SUGCT: variants seen among roughly 807,000 people sequenced by gnomAD.
SUGCT encodes succinyl-CoA:glutarate CoA-transferase.
In SUGCT, 41 loss-of-function variants were observed where a neutral mutation model predicts 55.0. That is an observed-to-expected ratio of 0.74 (90% CI 0.58 to 0.97). The LOEUF (loss-of-function observed/expected upper bound fraction) is 0.97, where lower values mean the gene tolerates loss of function less well. Ranked by LOEUF, SUGCT falls within the 50% of genes least tolerant of loss-of-function variation. SUGCT has a pLI of 0.00. For synonymous variants in SUGCT, 187 were observed against 200.4 expected (o/e 0.93, Z 0.56); for missense variants, 568 against 547.8 (o/e 1.04, Z -0.37).
chr7:40,844,172 C>A (rs576054048), intron 13 of SUGCT, among the ~76,000 whole-genome samples: 1 of 152,184 alleles, frequency 6.6e-6, no homozygotes, highest in East Asian at 1.9e-4. Flanking sequence ...ACTCCCGGAG[C>A]CCCAGAAGGC....
At chr7:40,376,131 A>G (rs1412016351) in intron 9 of SUGCT, among the ~76,000 whole-genome samples, 3 of 152,194 alleles carry the variant, frequency 2.0e-5, no homozygotes, top group Non-Finnish European at 4.4e-5. Flanking sequence ...TAGGATTAGT[A>G]TATTTTGGAT....
intron 9 of SUGCT, among the ~76,000 whole-genome samples, chr7:40,400,374 T>G (rs1785996138): frequency 6.6e-6 from 1 of 152,168 alleles, no homozygotes; most frequent in Admixed American, 6.5e-5. Context: ...TGAGGGAAGC[T>G]TACAGTCCTG....
At chr7:40,955,748 A>G in the SUGCT span, among the ~76,000 whole-genome samples, 1 of 152,190 alleles carries the variant, frequency 6.6e-6, no homozygotes, top group African/African-American at 2.4e-5. Flanking sequence ...CCCATTCAGT[A>G]TGATATTGGC....
the SUGCT span, among the ~76,000 whole-genome samples, chr7:40,889,489 C>A: frequency 1.3e-5 from 2 of 152,056 alleles, no homozygotes; most frequent in Non-Finnish European, 2.9e-5. Flanking sequence ...TTCCCAGGGG[C>A]CTTTTTAAGG....
chr7:40,148,886 G>A (rs565045897), intron 1 of SUGCT, among the ~76,000 whole-genome samples: 14 of 152,196 alleles, frequency 9.2e-5, no homozygotes, highest in Non-Finnish European at 2.1e-4. Context: ...ATTTGAATGA[G>A]TCTGAGAGAC....
intron 9 of SUGCT, among the ~76,000 whole-genome samples, chr7:40,442,403 G>C (rs966853016): frequency 9.2e-5 from 14 of 152,020 alleles, no homozygotes; most frequent in Non-Finnish European, 2.9e-5. Context: ...CCTTAATAAT[G>C]TAAAAACACA....
At chr7:40,285,167 G>A (rs1297960805) in intron 8 of SUGCT, among the ~76,000 whole-genome samples, 1 of 152,078 alleles carries the variant, frequency 6.6e-6, no homozygotes, top group Non-Finnish European at 1.5e-5. Flanking sequence ...ACACTTTGGA[G>A]CTTTCAAATG....
intron 12 of SUGCT, among the ~76,000 whole-genome samples, chr7:40,687,167 T>C (rs1413060489): frequency 6.6e-6 from 1 of 152,116 alleles, no homozygotes; most frequent in Non-Finnish European, 1.5e-5. Context: ...TCTAGGTTTG[T>C]TCTTGAAAAA....
chr7:40,191,712 T>C (rs536944436), intron 5 of SUGCT, among the ~76,000 whole-genome samples: 2 of 152,360 alleles, frequency 1.3e-5, no homozygotes, highest in African/African-American at 4.8e-5. Flanking sequence ...TGCTTTTAGA[T>C]AGTTATTACA....
At chr7:40,679,451 A>G (rs972601895) in intron 12 of SUGCT, among the ~76,000 whole-genome samples, 1 of 152,176 alleles carries the variant, frequency 6.6e-6, no homozygotes, top group African/African-American at 2.4e-5. Context: ...TCTTAAGGCT[A>G]CAATCTCATG....
intron 12 of SUGCT, among the ~76,000 whole-genome samples, chr7:40,525,875 A>G (rs1478057749): frequency 2.6e-5 from 4 of 152,326 alleles, no homozygotes; most frequent in Non-Finnish European, 4.4e-5. Flanking sequence ...GCAGAGGTGC[A>G]GAAGACGGTG....
At chr7:40,320,744 A>G (rs1795681423) in intron 9 of SUGCT, among the ~76,000 whole-genome samples, 1 of 151,110 alleles carries the variant, frequency 6.6e-6, no homozygotes, top group Non-Finnish European at 1.5e-5. Flanking sequence ...ACTCACAAGG[A>G]CAGGTGATAC....
chr7:40,459,412 T>A (rs921924156), intron 11 of SUGCT, among the ~76,000 whole-genome samples: 5 of 152,216 alleles, frequency 3.3e-5, no homozygotes, highest in Admixed American at 6.5e-5. Context: ...TGTTAAGTAC[T>A]GAGTCATAAC....
At chr7:40,178,009 A>G (rs560170219) in intron 1 of SUGCT, among the ~76,000 whole-genome samples, 2 of 152,236 alleles carry the variant, frequency 1.3e-5, no homozygotes, top group Admixed American at 1.3e-4. Context: ...CCTTGGCCTC[A>G]CAAAGTGCGG....
intron 10 of SUGCT, among the ~76,000 whole-genome samples, chr7:40,451,762 A>G (rs1789202560): frequency 6.6e-6 from 1 of 152,272 alleles, no homozygotes; most frequent in Non-Finnish European, 1.5e-5. Context: ...TTACCTAAGA[A>G]AAATCATCTG....
intron 13 of SUGCT, among the ~76,000 whole-genome samples, chr7:40,832,352 T>C (rs1213193312): frequency 1.3e-5 from 2 of 152,224 alleles, no homozygotes; most frequent in Non-Finnish European, 2.9e-5. Context: ...TCATCTAATA[T>C]CATATTGTTG....
At chr7:40,578,505 C>T (rs1305348812) in intron 12 of SUGCT, among the ~76,000 whole-genome samples, 2 of 152,034 alleles carry the variant, frequency 1.3e-5, no homozygotes, top group South Asian at 2.1e-4. Flanking sequence ...TCACAAGCCT[C>T]ACCCCTCATT....
the SUGCT span, among the ~76,000 whole-genome samples, chr7:40,938,215 A>G: frequency 1.3e-5 from 2 of 152,148 alleles, no homozygotes; most frequent in Admixed American, 6.6e-5. Context: ...GATTGGCATG[A>G]TTACTTTATT....
chr7:40,204,706 C>T (rs1325643286), intron 6 of SUGCT, among the ~76,000 whole-genome samples: 3 of 149,230 alleles, frequency 2.0e-5, no homozygotes, highest in East Asian at 4.0e-4. Context: ...AAGAGGATTG[C>T]GTGAGGGTCA....
Sources: gnomAD v4.1 joint callset for allele counts (sites outside exome capture counted in the v4.1 genomes callset) on GRCh38, gnomAD v4.1.1 for gene constraint, MANE v1.5 for transcripts, NCBI Gene and HGNC (gene_info 2026-07-23, HGNC 2026-07-21) for gene names.